Variants in CMSS1 observed in about 807,000 individuals in gnomAD.
CMSS1 encodes the protein protein CMSS1.
A neutral mutation model predicts 43.5 loss-of-function variants in CMSS1; 33 were observed. That is an observed-to-expected ratio of 0.76 (90% CI 0.57 to 1.01). The LOEUF is 1.01. Ranked by LOEUF, CMSS1 falls within the 50% of genes least tolerant of loss-of-function variation. The probability of loss-of-function intolerance (pLI) is 0.00; values close to 1 mark genes in which losing one functional copy is unlikely to be tolerated. For missense variants in CMSS1, 313 were observed against 326.4 expected, an observed-to-expected ratio of 0.96 and a Z score of 0.32; for synonymous variants, 115 against 117.2, an observed-to-expected ratio of 0.98 and a Z score of 0.12.
At chr3:100,157,546 G>A (rs902013671) in intron 2 of CMSS1, among the ~76,000 whole-genome samples, 1 of 152,158 alleles carries the variant, frequency 6.6e-6, no homozygotes, top group African/African-American at 2.4e-5. Flanking sequence ...TTTTTACTAT[G>A]GAACTCCCAA....
chr3:100,127,661 A>AC (rs1249547083), intron 1 of CMSS1, among the ~76,000 whole-genome samples: 1 of 152,206 alleles, frequency 6.6e-6, no homozygotes, highest in Non-Finnish European at 1.5e-5. Flanking sequence ...TTAGAAACTT[A>AC]TGGGACCATC....
chr3:99,835,113 T>G (rs1942843177), intron 1 of CMSS1, among the ~76,000 whole-genome samples: 1 of 152,234 alleles, frequency 6.6e-6, no homozygotes, highest in Non-Finnish European at 1.5e-5. Flanking sequence ...TCCTGCTTTA[T>G]CTCTCAACTT....
chr3:100,051,067 A>G (rs909458881), intron 1 of CMSS1, among the ~76,000 whole-genome samples: 6 of 152,226 alleles, frequency 3.9e-5, no homozygotes, highest in Non-Finnish European at 7.3e-5. Flanking sequence ...ATATTTTATT[A>G]GTATAAATTT....
intron 2 of CMSS1, among the ~76,000 whole-genome samples, chr3:100,149,421 A>T (rs1447295378): frequency 1.3e-5 from 2 of 152,276 alleles, no homozygotes; most frequent in Admixed American, 1.3e-4. Context: ...CCGTGTTCTC[A>T]TGTGTTTTGT....
At chr3:99,871,571 C>T (rs1944787343) in intron 1 of CMSS1, among the ~76,000 whole-genome samples, 1 of 152,160 alleles carries the variant, frequency 6.6e-6, no homozygotes, top group East Asian at 1.9e-4. Flanking sequence ...TAAGTACCAC[C>T]AGGAGCTTGT....
At chr3:99,870,590 A>T (rs1441192151) in intron 1 of CMSS1, among the ~76,000 whole-genome samples, 1 of 152,146 alleles carries the variant, frequency 6.6e-6, no homozygotes, top group Non-Finnish European at 1.5e-5. Flanking sequence ...GTGACATGGT[A>T]TGGTGTGTGG....
intron 1 of CMSS1, among the ~76,000 whole-genome samples, chr3:99,872,917 CT>C (rs74418095): frequency 2.3e-3 from 335 of 142,996 alleles, no homozygotes; most frequent in Middle Eastern, 3.5e-3. Flanking sequence ...AATCTCAAGT[CT>C]TTTTTTTTTT....
At chr3:100,072,987 G>GT (rs565113768) in intron 1 of CMSS1, among the ~76,000 whole-genome samples, 15 of 151,502 alleles carry the variant, frequency 9.9e-5, no homozygotes, top group African/African-American at 1.7e-4. Context: ...ACTTTTTAAA[G>GT]TTTTTTTTTA....
chr3:100,161,961 C>T (rs113855444), intron 3 of CMSS1, among the ~76,000 whole-genome samples: 103 of 152,254 alleles, frequency 6.8e-4, no homozygotes, highest in African/African-American at 2.4e-3. Flanking sequence ...GAATATAAAT[C>T]ATCTAGGGCT....
chr3:99,942,777 C>T lies in CMSS1; in HGVS notation c.64+124734C>T, dbSNP rs111764718. On this transcript the variant is annotated intron_variant, in intron 1 of 9. Transcript: ENST00000421999. ...CCAGGAGACAGAGGTTGCAGTGAGC[C>T]GACACAGTGCCACTGCACTCTAGCC... is the stretch of plus-strand genomic sequence containing the variant. Among the ~76,000 whole-genome samples the T allele has an allele frequency of 4.7e-3, 706 of 151,606 alleles. 7 individuals are homozygous for T. Among genetic ancestry groups the T allele is most frequent in the African/African-American group, 0.016 (676 of 41,278 alleles).
chr3:100,052,672 T>C (rs890574954), intron 1 of CMSS1, among the ~76,000 whole-genome samples: 10 of 152,232 alleles, frequency 6.6e-5, no homozygotes, highest in African/African-American at 1.7e-4. Flanking sequence ...ATGCAATGTT[T>C]CTTTCTATAA....
chr3:99,986,454 G>A (rs1267252752), intron 1 of CMSS1, among the ~76,000 whole-genome samples: 1 of 152,162 alleles, frequency 6.6e-6, no homozygotes, highest in Non-Finnish European at 1.5e-5. Flanking sequence ...CACAGTTTTA[G>A]ACATACTAGT....
At chr3:100,045,092 A>C (rs1258806427) in intron 1 of CMSS1, among the ~76,000 whole-genome samples, 1 of 152,252 alleles carries the variant, frequency 6.6e-6, no homozygotes, top group African/African-American at 2.4e-5. Context: ...GGTAATTGTA[A>C]AAACAGATCT....
chr3:100,020,474 C>T (rs2064789336), intron 1 of CMSS1, among the ~76,000 whole-genome samples: 1 of 152,128 alleles, frequency 6.6e-6, no homozygotes, highest in Non-Finnish European at 1.5e-5. Flanking sequence ...AGAATTGATT[C>T]ATTTAGGCTC....
chr3:100,126,687 G>A (rs1019679890), intron 1 of CMSS1, among the ~76,000 whole-genome samples: 2 of 152,096 alleles, frequency 1.3e-5, no homozygotes, highest in Non-Finnish European at 2.9e-5. Flanking sequence ...CTAAGAGCTA[G>A]ATATTGAAAA....
At chr3:100,157,233 A>T (rs1474547068) in intron 2 of CMSS1, among the ~76,000 whole-genome samples, 1 of 151,158 alleles carries the variant, frequency 6.6e-6, no homozygotes, top group Non-Finnish European at 1.5e-5. Flanking sequence ...CACATTTCTT[A>T]TTTGTTTTAA....
At chr3:99,982,827 T>G (rs2107734937) in intron 1 of CMSS1, among the ~76,000 whole-genome samples, 1 of 152,320 alleles carries the variant, frequency 6.6e-6, no homozygotes, top group East Asian at 1.9e-4. Context: ...AGCCCAACCC[T>G]ATGAAATGGT....
chr3:100,114,395 T>A (rs1384787063), intron 1 of CMSS1: 1 of 152,222 alleles, frequency 6.6e-6, no homozygotes, highest in Non-Finnish European at 1.5e-5. Context: ...GGAAGAAAGG[T>A]TCTAACTGGA....
At chr3:99,895,497 CT>C (rs1443335777) in intron 1 of CMSS1, among the ~76,000 whole-genome samples, 2 of 151,658 alleles carry the variant, frequency 1.3e-5, no homozygotes, top group Admixed American at 1.3e-4. Flanking sequence ...GGCTGATCTC[CT>C]TTTGCAGAAG....
Sources: allele counts gnomAD v4.1 joint callset (sites outside exome capture counted in the v4.1 genomes callset), GRCh38; gene constraint gnomAD v4.1.1; transcripts MANE v1.5; gene names NCBI Gene and HGNC (gene_info 2026-07-23, HGNC 2026-07-21).